FSHR: variants seen among roughly 807,000 people sequenced by gnomAD.
FSHR encodes the protein follicle-stimulating hormone receptor.
A neutral mutation model predicts 52.1 loss-of-function variants in FSHR; 46 were observed. The ratio of observed to expected loss-of-function variants is 0.88; its 90% CI spans 0.70 to 1.13. The LOEUF is 1.13. Among genes scored for constraint, FSHR ranks in the 50% most tolerant of loss-of-function variants. The pLI is 0.00. For synonymous variants in FSHR, 399 were observed against 309.6 expected, an observed-to-expected ratio of 1.29 and a Z score of -3.03; for missense variants, 964 against 834.6, an observed-to-expected ratio of 1.16 and a Z score of -1.91.
intron 4 of FSHR, among the ~76,000 whole-genome samples, chr2:49,008,004 TTTC>T (rs1418826322): frequency 6.6e-6 from 1 of 151,942 alleles, no homozygotes; most frequent in African/African-American, 2.4e-5. Flanking sequence ...TGTTTTGAAT[TTTC>T]TTTTTTTTAA....
At chr2:49,148,814 G>A (rs1672960652) in intron 1 of FSHR, among the ~76,000 whole-genome samples, 1 of 152,030 alleles carries the variant, frequency 6.6e-6, no homozygotes, top group Non-Finnish European at 1.5e-5. Flanking sequence ...CACAAACTAT[G>A]CTTGAGCCCT....
At chr2:49,128,048 A>G (rs910624535) in intron 1 of FSHR, among the ~76,000 whole-genome samples, 16 of 150,676 alleles carry the variant, frequency 1.1e-4, no homozygotes, top group Admixed American at 4.0e-4. Context: ...TACCTGGCTA[A>G]TTTTTCTATT....
At chr2:49,083,504 T>C (rs1190189174) in intron 1 of FSHR, among the ~76,000 whole-genome samples, 1 of 145,574 alleles carries the variant, frequency 6.9e-6, no homozygotes, top group African/African-American at 2.6e-5. Flanking sequence ...ATATTAACTT[T>C]AAATGTAAAT....
intron 4 of FSHR, among the ~76,000 whole-genome samples, chr2:49,010,849 G>T (rs917973066): frequency 1.3e-5 from 2 of 152,142 alleles, no homozygotes; most frequent in African/African-American, 4.8e-5. Context: ...ATGGTAGTTT[G>T]TATTTCTGTG....
At chr2:49,026,171 G>A (rs1379989258) in intron 2 of FSHR, among the ~76,000 whole-genome samples, 4 of 152,266 alleles carry the variant, frequency 2.6e-5, no homozygotes, top group African/African-American at 9.6e-5. Flanking sequence ...TACCTTCAGT[G>A]GCTCAGCCTA....
intron 1 of FSHR, among the ~76,000 whole-genome samples, chr2:49,075,480 A>C (rs1241375642): frequency 1.3e-5 from 2 of 152,318 alleles, no homozygotes; most frequent in Non-Finnish European, 2.9e-5. Context: ...CTTTGGAAGG[A>C]TTAAGACTAG....
intron 2 of FSHR, among the ~76,000 whole-genome samples, chr2:49,061,663 A>C (rs1194464224): frequency 7.0e-6 from 1 of 143,548 alleles, no homozygotes; most frequent in Non-Finnish European, 1.5e-5. Context: ...ATATAACTAT[A>C]TATTTATAAC....
intron 4 of FSHR, among the ~76,000 whole-genome samples, chr2:48,997,667 G>A (rs1352408204): frequency 6.6e-6 from 1 of 152,084 alleles, no homozygotes; most frequent in African/African-American, 2.4e-5. Flanking sequence ...TTAGCCCCGT[G>A]ACCAGGAATT....
At chr2:48,989,858 G>A (rs1481736645) in intron 5 of FSHR, among the ~76,000 whole-genome samples, 3 of 152,118 alleles carry the variant, frequency 2.0e-5, no homozygotes, top group Non-Finnish European at 2.9e-5. Flanking sequence ...TGTTAGGTCT[G>A]ATCTAATATG....
At chr2:49,147,940 T>C (rs538941334) in intron 1 of FSHR, among the ~76,000 whole-genome samples, 1 of 151,982 alleles carries the variant, frequency 6.6e-6, no homozygotes, top group Admixed American at 6.6e-5. Context: ...ACTCCAAACA[T>C]GGGCACTCAG....
chr2:49,074,905 G>A (rs143444696), intron 1 of FSHR, among the ~76,000 whole-genome samples: 1 of 152,146 alleles, frequency 6.6e-6, no homozygotes, highest in East Asian at 1.9e-4. Context: ...TGGAATTGGA[G>A]GACATGATGT....
At chr2:49,143,076 G>A (rs1161014057) in intron 1 of FSHR, among the ~76,000 whole-genome samples, 2 of 152,138 alleles carry the variant, frequency 1.3e-5, no homozygotes, top group Non-Finnish European at 2.9e-5. Context: ...GAATGTAGGT[G>A]ATATTTAAAG....
intron 1 of FSHR, among the ~76,000 whole-genome samples, chr2:49,133,667 T>G (rs988375448): frequency 1.3e-5 from 2 of 152,108 alleles, no homozygotes; most frequent in Admixed American, 6.5e-5. Flanking sequence ...GACTTCAAAC[T>G]ATACTATAAG....
chr2:49,041,887 CT>C (rs1328057022), intron 2 of FSHR, among the ~76,000 whole-genome samples: 1 of 152,128 alleles, frequency 6.6e-6, no homozygotes, highest in African/African-American at 2.4e-5. Flanking sequence ...TGGCTCATGC[CT>C]TTTATCTTAG....
intron 1 of FSHR, among the ~76,000 whole-genome samples, chr2:49,136,836 T>G (rs1672506028): frequency 6.6e-6 from 1 of 152,082 alleles, no homozygotes; most frequent in African/African-American, 2.4e-5. Flanking sequence ...GTAAGAATAC[T>G]TAACAAAAAT....
intron 8 of FSHR, among the ~76,000 whole-genome samples, chr2:48,979,240 T>C (rs756421361): frequency 2.7e-4 from 41 of 151,636 alleles, no homozygotes; most frequent in Admixed American, 5.9e-4. Flanking sequence ...AGGCCAGGAG[T>C]TTGAGATCAG....
At chr2:49,108,773 A>G (rs1272214540) in intron 1 of FSHR, among the ~76,000 whole-genome samples, 1 of 152,192 alleles carries the variant, frequency 6.6e-6, no homozygotes, top group Non-Finnish European at 1.5e-5. Context: ...GGAGGCAACG[A>G]AAATGAATGG....
intron 2 of FSHR, among the ~76,000 whole-genome samples, chr2:49,061,760 AT>A (rs1669311631): frequency 7.3e-6 from 1 of 137,116 alleles, no homozygotes; most frequent in South Asian, 2.2e-4. Context: ...CTATTTATAT[AT>A]AACTATATAT....
intron 8 of FSHR, among the ~76,000 whole-genome samples, chr2:48,974,809 C>A (rs1164776232): frequency 6.6e-6 from 1 of 152,156 alleles, no homozygotes; most frequent in African/African-American, 2.4e-5. Context: ...TGGCTAGAGA[C>A]TTAACTATAG....
Sources: gnomAD v4.1 joint callset for allele counts (sites outside exome capture counted in the v4.1 genomes callset) on GRCh38, gnomAD v4.1.1 for gene constraint, MANE v1.5 for transcripts, NCBI Gene and HGNC (gene_info 2026-07-23, HGNC 2026-07-21) for gene names.